UNC5C: variants seen among roughly 807,000 people sequenced by gnomAD.
UNC5C encodes unc-5 netrin receptor C.
Under a neutral mutation model 99.8 loss-of-function variants are expected in UNC5C, and 47 were observed. The observed-to-expected ratio is 0.47, with a 90% CI of 0.37 to 0.60. The LOEUF (loss-of-function observed/expected upper bound fraction) is 0.60, where lower values mean the gene tolerates loss of function less well. Among genes scored for constraint, UNC5C ranks in the 20% least tolerant of loss-of-function variants. The probability of loss-of-function intolerance (pLI) is 0.00; values close to 1 mark genes in which losing one functional copy is unlikely to be tolerated. For missense variants in UNC5C, 1,062 were observed against 1,165.9 expected, an observed-to-expected ratio of 0.91 and a Z score of 1.30; for synonymous variants, 487 against 452.2, an observed-to-expected ratio of 1.08 and a Z score of -0.98.
chr4:95,421,975 G>T lies in UNC5C; in HGVS notation c.125-86344C>A, dbSNP rs569586764. On this transcript the variant is annotated intron_variant, in intron 1 of 15. Transcript: ENST00000453304. ...TGGATCATAACAACTTCATTTATTT[G>T]CACTAGCAAAAGATCTGTGGTAACA... Among the ~76,000 whole-genome samples, 145 of 152,244 alleles carry T rather than the reference G, an allele frequency of 9.5e-4. 1 individual carries two copies. Among genetic ancestry groups the T allele is most frequent in the African/African-American group, 3.5e-3 (144 of 41,544 alleles).
chr4:95,515,163 A>G (rs2149488577), intron 1 of UNC5C, among the ~76,000 whole-genome samples: 1 of 152,340 alleles, frequency 6.6e-6, no homozygotes, highest in South Asian at 2.1e-4. Context: ...TAGAAATAGC[A>G]TCAAGAATAT....
intron 4 of UNC5C, 130 bp downstream of exon 4, chr4:95,278,129 G>A (rs547505058): frequency 2.7e-4 from 189 of 712,342 alleles, no homozygotes; most frequent in Non-Finnish European, 4.0e-4. Context: ...CCAGCAGCAG[G>A]CAGTTAGGAC....
chr4:95,418,949 C>G (rs1396501898), intron 1 of UNC5C, among the ~76,000 whole-genome samples: 2 of 152,148 alleles, frequency 1.3e-5, no homozygotes, highest in Non-Finnish European at 2.9e-5. Context: ...CTGGTGCTCA[C>G]TTTCTGTATA....
chr4:95,222,905 C>CT (rs1738526955), intron 7 of UNC5C, among the ~76,000 whole-genome samples: 1 of 151,996 alleles, frequency 6.6e-6, no homozygotes, highest in South Asian at 2.1e-4. Flanking sequence ...AAACTGGATG[C>CT]TTTTTATTTG....
At chr4:95,206,350 C>T (rs1179216063) in intron 11 of UNC5C, among the ~76,000 whole-genome samples, 1 of 151,720 alleles carries the variant, frequency 6.6e-6, no homozygotes, top group Non-Finnish European at 1.5e-5. Context: ...TATACATAGA[C>T]ATATATATAA....
chr4:95,393,950 A>G (rs1745436553), intron 1 of UNC5C, among the ~76,000 whole-genome samples: 1 of 151,926 alleles, frequency 6.6e-6, no homozygotes. Flanking sequence ...AAGTCATGAT[A>G]ATGACACTCA....
intron 1 of UNC5C, among the ~76,000 whole-genome samples, chr4:95,345,212 A>C (rs1477384041): frequency 6.6e-6 from 1 of 152,004 alleles, no homozygotes; most frequent in Non-Finnish European, 1.5e-5. Flanking sequence ...ATAACTGTAC[A>C]AAATAGATTT....
At chr4:95,431,417 G>A (rs1746631803) in intron 1 of UNC5C, among the ~76,000 whole-genome samples, 1 of 151,980 alleles carries the variant, frequency 6.6e-6, no homozygotes, top group Admixed American at 6.6e-5. Flanking sequence ...AATTTTCCCA[G>A]CTAATACCTA....
chr4:95,219,949 A>T (rs1349821024), intron 8 of UNC5C, 36 bp downstream of exon 8: 1 of 1,593,430 alleles, frequency 6.3e-7, no homozygotes, highest in Non-Finnish European at 8.6e-7. Context: ...GCTTACATGC[A>T]TAAGTAACAG....
chr4:95,324,396 A>T (rs1425302513), intron 2 of UNC5C, among the ~76,000 whole-genome samples: 1 of 152,184 alleles, frequency 6.6e-6, no homozygotes, highest in African/African-American at 2.4e-5. Flanking sequence ...CATTGATTCT[A>T]CATTATGGTG....
chr4:95,257,191 T>G (rs1429891706), intron 4 of UNC5C, among the ~76,000 whole-genome samples: 2 of 152,168 alleles, frequency 1.3e-5, no homozygotes, highest in Non-Finnish European at 1.5e-5. Flanking sequence ...GTGTCAGCGC[T>G]GAAGTCCTTA....
At chr4:95,356,207 A>AAC (rs1744186678) in intron 1 of UNC5C, among the ~76,000 whole-genome samples, 1 of 138,300 alleles carries the variant, frequency 7.2e-6, no homozygotes, top group Non-Finnish European at 1.5e-5. Flanking sequence ...AAAAAAAAAA[A>AAC]AAAAACAAAA....
intron 1 of UNC5C, 125 bp from the exon 2 acceptor site, chr4:95,335,756 G>T (rs573706665): frequency 1.4e-6 from 1 of 714,144 alleles, no homozygotes; most frequent in Non-Finnish European, 2.3e-6. Context: ...CCTGCTGTGT[G>T]CCAGGCTGTA....
chr4:95,244,936 A>C (rs1163427219), intron 6 of UNC5C, 41 bp downstream of exon 6: 1 of 1,609,416 alleles, frequency 6.2e-7, no homozygotes, highest in Non-Finnish European at 8.5e-7. Context: ...TGTTTCTTGA[A>C]TAATAGGAGA....
chr4:95,485,548 C>T (rs1721301693), intron 1 of UNC5C, among the ~76,000 whole-genome samples: 1 of 151,732 alleles, frequency 6.6e-6, no homozygotes, highest in South Asian at 2.1e-4. Flanking sequence ...AGGAAACTAA[C>T]ATTAACACCA....
At chr4:95,255,100 C>T (rs1399671042) in intron 4 of UNC5C, among the ~76,000 whole-genome samples, 1 of 152,020 alleles carries the variant, frequency 6.6e-6, no homozygotes, top group Admixed American at 6.6e-5. Flanking sequence ...GTGCCTTAGC[C>T]TCATGAGTAG....
At chr4:95,506,747 C>CAT (rs1323216496) in intron 1 of UNC5C, among the ~76,000 whole-genome samples, 7 of 151,826 alleles carry the variant, frequency 4.6e-5, no homozygotes, top group South Asian at 2.1e-4. Flanking sequence ...TAAATACTTT[C>CAT]ATATATATAC....
intron 1 of UNC5C, among the ~76,000 whole-genome samples, chr4:95,400,637 C>T (rs112548217): frequency 0.014 from 2,083 of 152,220 alleles, 54 homozygotes; most frequent in African/African-American, 0.048. Context: ...AGGATCCACT[C>T]GCCTCGGTCT....
intron 1 of UNC5C, among the ~76,000 whole-genome samples, chr4:95,445,093 T>C (rs922458033): frequency 6.6e-6 from 1 of 152,158 alleles, no homozygotes; most frequent in Non-Finnish European, 1.5e-5. Context: ...CTCACCCAAC[T>C]TATTTTCATT....
Sources: gnomAD v4.1 joint callset for allele counts (sites outside exome capture counted in the v4.1 genomes callset) on GRCh38, gnomAD v4.1.1 for gene constraint, MANE v1.5 for transcripts, NCBI Gene and HGNC (gene_info 2026-07-23, HGNC 2026-07-21) for gene names.